Variants in PRSS50 observed in about 807,000 individuals in gnomAD.
PRSS50 encodes the protein serine protease 50.
In PRSS50, 23 loss-of-function variants were observed where a neutral mutation model predicts 34.2. The ratio of observed to expected loss-of-function variants is 0.67; its 90% confidence interval spans 0.48 to 0.95. PRSS50 has a LOEUF of 0.95. Among genes scored for constraint, PRSS50 ranks in the 40% least tolerant of loss-of-function variants. PRSS50 has a pLI of 0.00. For missense variants in PRSS50, 484 were observed against 513.4 expected (o/e 0.94, Z 0.55); for synonymous variants, 224 against 211.2 (o/e 1.06, Z -0.53).
chr3:46,712,518 G>A (rs1409772491), intron 5 of PRSS50, 36 bp from the exon 6 acceptor site: 2 of 1,596,016 alleles, frequency 1.3e-6, no homozygotes, highest in South Asian at 2.2e-5. Context: ...GGTCAGGGAG[G>A]CCAGGCAAGG....
chr3:46,712,570 AC>A, intron 5 of PRSS50, 88 bp from the exon 6 acceptor site: 1 of 1,218,778 alleles, frequency 8.2e-7, no homozygotes, highest in Non-Finnish European at 1.2e-6. Context: ...ATGTCCTCAC[AC>A]CACACCTCCA....
In PRSS50 at chr3:46,717,704, T is replaced by G. The variant is rs376373385; in HGVS notation, c.106+15A>C. On this transcript the variant is annotated intron_variant, in intron 1 of 5. Transcript: ENST00000315170. The surrounding 1 kb of genome is among the most constrained non-coding windows in gnomAD (Gnocchi z 4.5). ...CCGCGTCAGGCGGGTGGGGTAGGGA[T>G]CGGGAGGGACTCACCTGCAGACCTC... The G allele has an allele frequency of 1.1e-5, 18 of 1,597,296 alleles. No individual in the cohort carries two copies. The highest frequency in any genetic ancestry group is 1.5e-5 in the Non-Finnish European group (18 of 1,172,510).
intron 3 of PRSS50, among the ~76,000 whole-genome samples, chr3:46,714,785 G>A (rs1700659705): frequency 6.6e-6 from 1 of 152,194 alleles, no homozygotes; most frequent in African/African-American, 2.4e-5. Flanking sequence ...CAGTGGAAGG[G>A]ATGCGGACCC....
rs376402732 is a variant in PRSS50 at position 46,715,588 on chromosome 3, G to A, written c.417C>T (p.Ala139=). Residue 139 remains alanine (A), a synonymous_variant, in exon 3 of 6, where the codon GCC becomes GCT. Coordinates refer to ENST00000315170, the MANE Select transcript of PRSS50 (RefSeq NM_013270.5). The surrounding 1 kb of genome is among the most constrained non-coding windows in gnomAD (Gnocchi z 5.2). ...CCCACTGGGAGGCAATGATGGTGCC[G>A]GCACAGATGTGTGTGCCATTGGCCC... ...SVRANGTHIC[A]GTIIASQWVL... 60 of 1,613,724 alleles carry A rather than the reference G, an allele frequency of 3.7e-5. No homozygotes were observed. The highest frequency in any genetic ancestry group is 4.4e-5 in the Non-Finnish European group (52 of 1,179,904).
In PRSS50 at chr3:46,715,671, G is replaced by A. The variant is rs745519089; in HGVS notation, c.334C>T (p.Pro112Ser). The A allele has an allele frequency of 3.6e-5, 58 of 1,607,416 alleles. No homozygotes were observed. In the Admixed American group the frequency reaches 9.6e-4, roughly 27 times the overall value. Reference sequence around the variant, plus strand: ...ACGGCTTCTGGGTCCCTGAGGGTGGGGTCCTGCTCGTAGGAAAAGCCACAG... The same window carrying A: ...ACGGCTTCTGGGTCCCTGAGGGTGGAGTCCTGCTCGTAGGAAAAGCCACAG... ...RSCGFSYEQD[P>S]TLRDPEAVAR... Residue 112 changes from proline to serine, a missense_variant, in exon 3 of 6, where the codon CCC becomes TCC. Pro to Ser is a moderately conservative substitution (Grantham distance 74). Coordinates refer to ENST00000315170, the MANE Select transcript of PRSS50 (RefSeq NM_013270.5). This position sits in a 1 kb window ranked among gnomAD's most constrained non-coding sequence, Gnocchi z 5.2.
At position 46,716,648 on chromosome 3, in the gene PRSS50, A is replaced by C. The variant is rs541726405; in HGVS notation, c.307+789T>G. 1.2e-4 allele frequency among the ~76,000 whole-genome samples: 18 copies of C among 152,316 alleles called. No individual in the cohort carries two copies. Among genetic ancestry groups the C allele is most frequent in the African/African-American group, 2.9e-4 (12 of 41,576 alleles). On this transcript the variant is annotated intron_variant, in intron 2 of 5. Transcript: ENST00000315170. The surrounding 1 kb of genome is among the most constrained non-coding windows in gnomAD (Gnocchi z 4.4). ...CGCAACATCTGTGACACCGAGTGTC[A>C]GTGAGGATTATCACCCAGAATGCCT...
chr3:46,713,651 G>A (rs1436451097), intron 4 of PRSS50, among the ~76,000 whole-genome samples: 1 of 152,226 alleles, frequency 6.6e-6, no homozygotes, highest in Admixed American at 6.5e-5. Flanking sequence ...TCTCTCTTAT[G>A]GGCTGGGGAC....
intron 4 of PRSS50, among the ~76,000 whole-genome samples, chr3:46,713,859 C>T (rs2106793517): frequency 6.6e-6 from 1 of 152,240 alleles, no homozygotes; most frequent in East Asian, 1.9e-4. Flanking sequence ...ACACAGAAGA[C>T]TGCTCCCCCG....
At chr3:46,713,913 G>A (rs1380557708) in intron 4 of PRSS50, among the ~76,000 whole-genome samples, 5 of 152,252 alleles carry the variant, frequency 3.3e-5, no homozygotes, top group African/African-American at 1.2e-4. Context: ...TGGGCAGTGG[G>A]TGTGGACTGT....
In PRSS50 at chr3:46,712,291, C is replaced by A. The variant is rs369555960; in HGVS notation, c.1113G>T (p.Leu371=). Residue 371 remains leucine, a synonymous_variant, in exon 6 of 6, where the codon CTG becomes CTT. Coordinates refer to ENST00000315170, the MANE Select transcript of PRSS50 (RefSeq NM_013270.5). The part of the protein sequence containing the change: ...ALALPAPSRT[L]LLALPLPLSL... ...TGAGGGGCAGTGGGAGTGCCAGGAG[C>A]AGGGTCCTGGATGGGGCTGGCAGGG... 207 of 1,612,748 alleles carry A rather than the reference C, an allele frequency of 1.3e-4. No homozygotes were observed. The highest frequency in any genetic ancestry group is 1.7e-4 in the Middle Eastern group (1 of 6,048).
In PRSS50 at chr3:46,716,002, A is replaced by G. The variant is rs1326605810; in HGVS notation, c.308-305T>C. ...CACCAACACACTCTCAGCTCCAATCAGATCCTTCACTAACTTGTTCTCATT... is the reference window on the plus strand; with the variant it reads ...CACCAACACACTCTCAGCTCCAATCGGATCCTTCACTAACTTGTTCTCATT... On this transcript the variant is annotated intron_variant, in intron 2 of 5. Coordinates refer to ENST00000315170, the MANE Select transcript of PRSS50 (RefSeq NM_013270.5). This position sits in a 1 kb window ranked among gnomAD's most constrained non-coding sequence, Gnocchi z 4.4. Among the ~76,000 whole-genome samples the G allele has an allele frequency of 6.6e-6, 1 of 152,164 alleles. No homozygotes were observed. The highest frequency in any genetic ancestry group is 1.9e-4 in the East Asian group (1 of 5,202).
chr3:46,713,276 C>T (rs549415147), intron 4 of PRSS50, among the ~76,000 whole-genome samples: 1 of 152,246 alleles, frequency 6.6e-6, no homozygotes, highest in African/African-American at 2.4e-5. Flanking sequence ...CGGGCCTGCT[C>T]TCGCTTCCTG....
Position 46,714,125 on chromosome 3 carries a change from T to C in PRSS50, c.754+93A>G. On this transcript the variant is annotated intron_variant, in intron 4 of 5. Transcript: ENST00000315170. ...GGAGCGGCAGGCTCCCTGGGGAAGG[T>C]GCCTCAGAAACATCCATCTGTGGTG... 2.7e-6 allele frequency: 4 copies of C among 1,470,688 alleles called. No homozygotes were observed. In the South Asian group the frequency reaches 5.4e-5, roughly 20 times the overall value. The allele number at this position is 1,470,688 out of a possible 1,614,324, so 91.1% of individuals were successfully genotyped here.
chr3:46,715,682 T>C lies in PRSS50; in HGVS notation c.323A>G (p.Tyr108Cys), dbSNP rs1323416033. 1 of 1,603,928 alleles carries C rather than the reference T, an allele frequency of 6.2e-7. No individual in the cohort carries two copies. Among genetic ancestry groups the C allele is most frequent in the Non-Finnish European group, 8.5e-7 (1 of 1,174,832 alleles). The change falls in exon 3 of 6, where the codon TAC becomes TGC. Residue 108 changes from tyrosine to cysteine, a missense_variant. Coordinates refer to ENST00000315170, the MANE Select transcript of PRSS50 (RefSeq NM_013270.5). The surrounding 1 kb of genome is among the most constrained non-coding windows in gnomAD (Gnocchi z 5.2). ...GTCCCTGAGGGTGGGGTCCTGCTCGTAGGAAAAGCCACAGGCTGAGGAGGA... is the reference window on the plus strand; with the variant it reads ...GTCCCTGAGGGTGGGGTCCTGCTCGCAGGAAAAGCCACAGGCTGAGGAGGA... ...VDPYRSCGFS[Y>C]EQDPTLRDPE...
At position 46,717,303 on chromosome 3, in the gene PRSS50, T is replaced by C; in HGVS notation, c.307+134A>G. ...TGACCCACAGGTGTTTAGTGCTCAA[T>C]GAACACCTGTAGAAGGAGGCGCTCC... On this transcript the variant is annotated intron_variant, in intron 2 of 5. Transcript: ENST00000315170. This position sits in a 1 kb window ranked among gnomAD's most constrained non-coding sequence, Gnocchi z 4.5. 1.0e-6 allele frequency: 1 copy of C among 991,932 alleles called. No individual in the cohort carries two copies. Among genetic ancestry groups the C allele is most frequent in the Non-Finnish European group, 1.5e-6 (1 of 677,906 alleles). 61.4% of individuals were successfully genotyped at this position (991,932 alleles called of 1,614,324 possible). A position where few individuals can be genotyped will look rare whatever the true frequency, so the allele number is the denominator to read the frequency against.
Position 46,714,258 on chromosome 3 carries a change from G to A in PRSS50, c.714C>T (p.Ser238=), listed in dbSNP as rs1175138544. Residue 238 remains serine (S), a synonymous_variant, in exon 4 of 6, where the codon TCC becomes TCT. Coordinates refer to ENST00000315170, the MANE Select transcript of PRSS50 (RefSeq NM_013270.5). ...GTCCCCAGCCCGTCACAGTGCAGCG[G>A]GAATGGTCCTTCAACACATAGTCCG... is the stretch of plus-strand genomic sequence containing the variant. ...PGTDYVLKDH[S]RCTVTGWGLS... 1.9e-6 allele frequency: 3 copies of A among 1,614,032 alleles called. No homozygotes were observed. The highest frequency in any genetic ancestry group is 3.3e-5 in the Admixed American group (2 of 60,000).
At position 46,717,731 on chromosome 3, in the gene PRSS50, G is replaced by A; in HGVS notation, c.94C>T (p.Leu32=). 1.3e-6 allele frequency: 2 copies of A among 1,595,968 alleles called. No homozygotes were observed. The highest frequency in any genetic ancestry group is 1.7e-6 in the Non-Finnish European group (2 of 1,171,918). ...GGGAGGGACTCACCTGCAGACCTCAGCAACAGAAGCAGCAGCAGCAGGGCA... is the reference window on the plus strand; with the variant it reads ...GGGAGGGACTCACCTGCAGACCTCAACAACAGAAGCAGCAGCAGCAGGGCA... ...AGALLLLLLL[L]RSAGCWGAGE... The change falls in exon 1 of 6, where the codon CTG becomes TTG. Residue 32 remains leucine, a synonymous_variant. Coordinates refer to ENST00000315170, the MANE Select transcript of PRSS50 (RefSeq NM_013270.5). The surrounding 1 kb of genome is among the most constrained non-coding windows in gnomAD (Gnocchi z 4.5).
In PRSS50 at chr3:46,717,514, G is replaced by A. The variant is rs758187725; in HGVS notation, c.230C>T (p.Pro77Leu). 1.7e-5 allele frequency: 27 copies of A among 1,613,646 alleles called. No homozygotes were observed. The highest frequency in any genetic ancestry group is 2.0e-5 in the Non-Finnish European group (24 of 1,180,014). ...SSRPRLLWQT[P>L]TTQTLPSTTM... ...GGTCGAGGGCAGTGTCTGGGTGGTC[G>A]GGGTCTGCCAGAGAAGGCGAGGCCG... The change falls in exon 2 of 6, where the codon CCG (proline) becomes CTG (leucine). Residue 77 changes from proline (P) to leucine (L), a missense_variant. By Grantham distance (98) the Pro-to-Leu change is moderately conservative. Transcript: ENST00000315170. The surrounding 1 kb of genome is among the most constrained non-coding windows in gnomAD (Gnocchi z 4.5).
chr3:46,712,363 G>C lies in PRSS50; in HGVS notation c.1041C>G (p.Ser347=). The change falls in exon 6 of 6, where the codon TCC becomes TCG. Residue 347 remains serine (S), a synonymous_variant. Transcript: ENST00000315170. ...AGTCCCAGATCCAGTGTTGGTAGGA[G>C]GAGACCTGTAGGTAGATGGGTGGGG... ...SEAPPIYLQV[S]SYQHWIWDCL... is the part of the protein sequence containing the mutation. The C allele has an allele frequency of 6.2e-7, 1 of 1,613,974 alleles. No individual in the cohort carries two copies. Among genetic ancestry groups the C allele is most frequent in the Non-Finnish European group, 8.5e-7 (1 of 1,179,958 alleles).
Sources: allele counts gnomAD v4.1 joint callset (sites outside exome capture counted in the v4.1 genomes callset), GRCh38; gene constraint gnomAD v4.1.1; non-coding constraint Gnocchi (gnomAD v3.1); transcripts MANE v1.5; gene names NCBI Gene and HGNC (gene_info 2026-07-23, HGNC 2026-07-21).